The following CPEB2 variants were observed in gnomAD, a reference collection of about 807,000 sequenced individuals.
CPEB2 encodes the protein cytoplasmic polyadenylation element binding protein 2, also known as cytoplasmic polyadenylation element-binding protein 2.
A neutral mutation model predicts 93.6 loss-of-function variants in CPEB2; 56 were observed. The ratio of observed to expected loss-of-function variants is 0.60; its 90% CI spans 0.48 to 0.75. CPEB2 has a LOEUF of 0.75. Ranked by LOEUF, CPEB2 falls within the 30% of genes least tolerant of loss-of-function variation. The pLI is 0.00. For missense variants in CPEB2, 1,579 were observed against 1,395.1 expected (o/e 1.13, Z -2.10); for synonymous variants, 764 against 586.3 (o/e 1.30, Z -4.38).
intron 5 of CPEB2, among the ~76,000 whole-genome samples, chr4:15,039,815 C>CA (rs1726998717): frequency 6.6e-6 from 1 of 152,038 alleles, no homozygotes; most frequent in East Asian, 1.9e-4. Flanking sequence ...GACACATAAA[C>CA]AATTAGTAGA....
rs1235068806 is a variant in CPEB2, at chr4:15,069,956, C to T, written c.*3576C>T. 2 of 151,838 alleles carry T rather than the reference C, an allele frequency of 1.3e-5. No individual in the cohort carries two copies. The highest frequency in any genetic ancestry group is 2.4e-5 in the African/African-American group (1 of 41,292). 9.4% of individuals were successfully genotyped at this position (151,838 alleles called of 1,614,324 possible). ...TGCTTTTATGGACACTAGGTAAACA[C>T]CTTCAGCTTAAATTTTTCGTTAAAT... On this transcript the variant is annotated 3_prime_UTR_variant, in exon 12 of 12. Coordinates refer to ENST00000538197, the MANE Select transcript of CPEB2 (RefSeq NM_001177382.2).
At chr4:15,064,675 G>A (rs1212562936) in intron 11 of CPEB2, among the ~76,000 whole-genome samples, 1 of 152,090 alleles carries the variant, frequency 6.6e-6, no homozygotes, top group Non-Finnish European at 1.5e-5. Context: ...CTTCGTGCTA[G>A]ATATTCTTCT....
At chr4:15,032,315 T>A (rs1726201699) in intron 4 of CPEB2, among the ~76,000 whole-genome samples, 1 of 152,154 alleles carries the variant, frequency 6.6e-6, no homozygotes. Context: ...ATTTAGGAAT[T>A]TGAGAAAAAT....
Position 15,050,695 on chromosome 4 carries a change from T to C in CPEB2, c.2201-1719T>C, listed in dbSNP as rs79159032. ...GCTCTTTCGTTCTTTTATTGGTTTTTTGGTGCTTCTATTACCATGATATTT... is the reference window on the plus strand; with the variant it reads ...GCTCTTTCGTTCTTTTATTGGTTTTCTGGTGCTTCTATTACCATGATATTT... On this transcript the variant is annotated intron_variant, in intron 6 of 11. Coordinates refer to ENST00000538197, the MANE Select transcript of CPEB2 (RefSeq NM_001177382.2). Among the ~76,000 whole-genome samples the C allele has an allele frequency of 4.0e-3, 612 of 152,304 alleles. 3 individuals carry two copies. The highest frequency in any genetic ancestry group is 0.014 in the African/African-American group (572 of 41,564).
intron 4 of CPEB2, among the ~76,000 whole-genome samples, chr4:15,028,663 C>G (rs533273796): frequency 6.6e-6 from 1 of 151,804 alleles, no homozygotes; most frequent in South Asian, 2.1e-4. Context: ...GATAGTCTGT[C>G]ATGCTATCTC....
intron 11 of CPEB2, among the ~76,000 whole-genome samples, chr4:15,063,392 T>C (rs368265697): frequency 1.5e-4 from 22 of 150,740 alleles, no homozygotes; most frequent in African/African-American, 4.6e-4. Context: ...TAAGAGGAGG[T>C]GCTCTGCTTT....
At chr4:15,035,048 G>A (rs55967729) in intron 5 of CPEB2, among the ~76,000 whole-genome samples, 3,148 of 152,206 alleles carry the variant, frequency 0.021, 100 homozygotes, top group African/African-American at 0.073. Flanking sequence ...CTCATAGTAC[G>A]TAGATCTACT....
chr4:15,066,644 T>C lies in CPEB2; in HGVS notation c.*264T>C, dbSNP rs996375201. ...GTATTTTCTCCAAGTTATTTTTATA[T>C]GTAAAGTTAAAATTAGATATGAGAA... is the stretch of plus-strand genomic sequence containing the variant. On this transcript the variant is annotated 3_prime_UTR_variant, in exon 12 of 12. Transcript: ENST00000538197. 4.4e-6 allele frequency: 2 copies of C among 450,948 alleles called. No individual in the cohort carries two copies. The highest frequency in any genetic ancestry group is 4.0e-5 in the African/African-American group (2 of 50,470). The allele number at this position is 450,948 out of a possible 1,614,324, so 27.9% of individuals were successfully genotyped here.
intron 2 of CPEB2, among the ~76,000 whole-genome samples, chr4:15,007,948 A>G (rs1723040653): frequency 6.6e-6 from 1 of 152,136 alleles, no homozygotes; most frequent in Non-Finnish European, 1.5e-5. Context: ...ATGTTCTGTA[A>G]TTGTAACTGT....
At chr4:15,051,771 A>C (rs1176878989) in intron 6 of CPEB2, among the ~76,000 whole-genome samples, 1 of 152,216 alleles carries the variant, frequency 6.6e-6, no homozygotes, top group Non-Finnish European at 1.5e-5. Context: ...GATTACCCAC[A>C]GAGTGGGGAT....
chr4:15,014,442 A>G (rs185137668), intron 3 of CPEB2, among the ~76,000 whole-genome samples: 14 of 152,152 alleles, frequency 9.2e-5, no homozygotes, highest in African/African-American at 3.4e-4. Context: ...CTTACATTTT[A>G]TAATTCTATT....
chr4:15,053,415 A>G (rs899421093), intron 7 of CPEB2, among the ~76,000 whole-genome samples: 2 of 152,226 alleles, frequency 1.3e-5, no homozygotes, highest in African/African-American at 4.8e-5. Context: ...TGAATAGGAA[A>G]TTAGGGTTTC....
At chr4:15,043,555 A>G (rs1343057488) in intron 6 of CPEB2, among the ~76,000 whole-genome samples, 1 of 152,104 alleles carries the variant, frequency 6.6e-6, no homozygotes, top group Non-Finnish European at 1.5e-5. Flanking sequence ...ATACTTGTCC[A>G]GGATTGAAGT....
rs185645091 is a variant in CPEB2, at chr4:15,047,989, T to C, written c.2201-4425T>C. ...TCCTACATTTATGGAAATAATTTTA[T>C]GGTATTTCTATTTTTGTCTGTTTAT... On this transcript the variant is annotated intron_variant, in intron 6 of 11. Transcript: ENST00000538197. Among the ~76,000 whole-genome samples the C allele has an allele frequency of 2.6e-5, 4 of 151,994 alleles. No individual in the cohort carries two copies. The East Asian group carries it at 7.7e-4, about 29-fold the overall frequency.
In CPEB2 at chr4:15,003,323, C is replaced by T. The variant is rs1251604133; in HGVS notation, c.650C>T (p.Pro217Leu). 6 of 1,416,466 alleles carry T rather than the reference C, an allele frequency of 4.2e-6. No homozygotes were observed. Among genetic ancestry groups the T allele is most frequent in the Non-Finnish European group, 5.5e-6 (6 of 1,099,360 alleles). 87.7% of individuals were successfully genotyped at this position (1,416,466 alleles called of 1,614,324 possible). A position where few individuals can be genotyped will look rare whatever the true frequency, so the allele number is the denominator to read the frequency against. The part of the protein sequence containing the change: ...RFSPPPPPAG[P>L]LLQPAQLAQR... ...AGCCCGCCGCCGCCGCCAGCCGGCC[C>T]GCTCCTCCAGCCGGCGCAGCTCGCT... Residue 217 changes from proline to leucine, a missense_variant, in exon 1 of 12, where the codon CCG (proline) becomes CTG (leucine). Physicochemically the swap from Pro to Leu is moderately conservative, Grantham distance 98 (BLOSUM62 -3). This residue lies in a region of CPEB2 where 1,411 missense variants were observed against 1,056.0 expected (regional missense o/e 1.34). Transcript: ENST00000538197.
chr4:15,041,683 A>G (rs1026781309), intron 6 of CPEB2, among the ~76,000 whole-genome samples: 1 of 152,108 alleles, frequency 6.6e-6, no homozygotes, highest in Non-Finnish European at 1.5e-5. Context: ...GATTACAGGC[A>G]TGAGCCACCT....
rs1209285691 is a variant in CPEB2 at position 15,007,495 on chromosome 4, C to T, written c.1853C>T (p.Thr618Ile). 1 of 1,614,104 alleles carries T rather than the reference C, an allele frequency of 6.2e-7. No homozygotes were observed. The highest frequency in any genetic ancestry group is 1.1e-5 in the South Asian group (1 of 91,088). Reference protein sequence around the residue: ...SGNVIAPPKFTRSTPSLTPKS... With the variant: ...SGNVIAPPKFIRSTPSLTPKS... ...AATGTCATAGCACCACCGAAATTTA[C>T]TCGCTCAACTCCATCACTGACTCCA... The change falls in exon 2 of 12, where the codon ACT becomes ATT. Residue 618 changes from threonine (T) to isoleucine (I), a missense_variant. Thr to Ile is a moderately conservative substitution (Grantham distance 89). Transcript: ENST00000538197.
chr4:15,041,613 G>A lies in CPEB2; in HGVS notation c.2200+1126G>A, dbSNP rs74811508. On this transcript the variant is annotated intron_variant, in intron 6 of 11. Coordinates refer to ENST00000538197, the MANE Select transcript of CPEB2 (RefSeq NM_001177382.2). ...AGATGGAGTTTCTCCATGTTGGCCC[G>A]TCTGGTCTTGAATTCCTGACCTCAG... Among the ~76,000 whole-genome samples, 613 of 151,958 alleles carry A rather than the reference G, an allele frequency of 4.0e-3. 4 individuals carry two copies. Among genetic ancestry groups the A allele is most frequent in the African/African-American group, 0.013 (558 of 41,428 alleles).
chr4:15,059,388 C>T, intron 10 of CPEB2, 87 bp downstream of exon 10: 1 of 848,004 alleles, frequency 1.2e-6, no homozygotes, highest in Admixed American at 2.1e-5. Flanking sequence ...CTATTGTGTA[C>T]ATGACACTAT....
Sources: gnomAD v4.1 joint callset for allele counts (sites outside exome capture counted in the v4.1 genomes callset) on GRCh38, gnomAD v4.1.1 for gene constraint, gnomAD v4.1.1 regional missense constraint, MANE v1.5 for transcripts, NCBI Gene and HGNC (gene_info 2026-07-23, HGNC 2026-07-21) for gene names.